The following IGSF10 variants were observed in gnomAD, a reference collection of about 807,000 sequenced individuals.
IGSF10 encodes the protein immunoglobulin superfamily member 10.
IGSF10 carries 126 observed loss-of-function variants against 128.2 expected under a neutral mutation model. That is an observed-to-expected ratio of 0.98 (90% CI 0.85 to 1.14). The LOEUF (loss-of-function observed/expected upper bound fraction) is 1.14, where lower values mean the gene tolerates loss of function less well. IGSF10 is among the 50% of genes most tolerant of loss of function. The pLI is 0.00. For missense variants in IGSF10, 3,295 were observed against 3,149.8 expected (o/e 1.05, Z -1.10); for synonymous variants, 1,185 against 1,146.2 (o/e 1.03, Z -0.68).
the IGSF10 span, among the ~76,000 whole-genome samples, chr3:151,605,733 G>A: frequency 1.3e-5 from 2 of 152,158 alleles, no homozygotes; most frequent in Non-Finnish European, 2.9e-5. Context: ...ACAAAGCTAG[G>A]TTTTTCCATA....
chr3:151,443,951 C>T, intron 6 of IGSF10, 67 bp from the exon 7 acceptor site: 4 of 1,290,686 alleles, frequency 3.1e-6, no homozygotes, highest in South Asian at 3.0e-5. Flanking sequence ...ATAAAGCTAT[C>T]GTTTTTTGGG....
At chr3:151,472,429 A>C in the IGSF10 span, among the ~76,000 whole-genome samples, 1 of 152,292 alleles carries the variant, frequency 6.6e-6, no homozygotes, top group African/African-American at 2.4e-5. Context: ...TTATTGGGCA[A>C]GTTATAAAGC....
the IGSF10 span, among the ~76,000 whole-genome samples, chr3:151,471,596 G>GAT: frequency 6.6e-6 from 1 of 152,172 alleles, no homozygotes; most frequent in Non-Finnish European, 1.5e-5. Flanking sequence ...ACAGATAGCA[G>GAT]ATGCGCTTTT....
At chr3:151,550,389 T>C in the IGSF10 span, among the ~76,000 whole-genome samples, 1 of 152,204 alleles carries the variant, frequency 6.6e-6, no homozygotes, top group East Asian at 1.9e-4. Flanking sequence ...TTTTTAAGTG[T>C]TCTTGTGTCC....
At chr3:151,559,936 G>A in the IGSF10 span, among the ~76,000 whole-genome samples, 4 of 152,084 alleles carry the variant, frequency 2.6e-5, no homozygotes, top group Non-Finnish European at 5.9e-5. Flanking sequence ...TGGGTCATCT[G>A]AGTCACGGAA....
At chr3:151,438,648 A>C in intron 7 of IGSF10, 51 bp from the exon 8 acceptor site, 1 of 1,451,984 alleles carries the variant, frequency 6.9e-7, no homozygotes, top group South Asian at 1.3e-5. Flanking sequence ...CAATGAGGGA[A>C]ACTGTTTTAC....
the IGSF10 span, among the ~76,000 whole-genome samples, chr3:151,570,392 A>C: frequency 5.9e-5 from 9 of 151,926 alleles, no homozygotes; most frequent in African/African-American, 1.5e-4. Context: ...CCCCTCCAGC[A>C]CCTGTTGTTT....
At chr3:151,587,201 C>T in the IGSF10 span, among the ~76,000 whole-genome samples, 1 of 152,144 alleles carries the variant, frequency 6.6e-6, no homozygotes, top group Admixed American at 6.5e-5. Context: ...ATGAGTGAAG[C>T]ATGGTTCCTG....
At chr3:151,449,660 G>T (rs1721418011) in intron 5 of IGSF10, among the ~76,000 whole-genome samples, 1 of 152,108 alleles carries the variant, frequency 6.6e-6, no homozygotes, top group South Asian at 2.1e-4. Context: ...AACATTTTAA[G>T]ATGGCCACAG....
the IGSF10 span, among the ~76,000 whole-genome samples, chr3:151,595,957 G>A: frequency 2.0e-5 from 3 of 152,032 alleles, no homozygotes; most frequent in Non-Finnish European, 4.4e-5. Flanking sequence ...GATTTTAGGT[G>A]CTCTTACCAC....
At chr3:151,572,940 T>C in the IGSF10 span, among the ~76,000 whole-genome samples, 2,483 of 152,322 alleles carry the variant, frequency 0.016, 23 homozygotes, top group South Asian at 0.025. Flanking sequence ...TTTGTTCTCA[T>C]TGGTTTCAAA....
At chr3:151,432,679 G>A, downstream of IGSF10, 2 of 1,104,480 alleles carry the variant, frequency 1.8e-6, no homozygotes, top group Non-Finnish European at 2.7e-6. Flanking sequence ...TGAGAGCAGT[G>A]ACAAGAGGGT....
the IGSF10 span, among the ~76,000 whole-genome samples, chr3:151,588,643 T>C: frequency 1.3e-5 from 2 of 152,234 alleles, no homozygotes; most frequent in African/African-American, 4.8e-5. Flanking sequence ...AAGTAGATCA[T>C]CTTTGCATTT....
the IGSF10 span, among the ~76,000 whole-genome samples, chr3:151,473,153 C>T: frequency 2.0e-5 from 3 of 152,162 alleles, no homozygotes; most frequent in African/African-American, 4.8e-5. Context: ...TTGCCCTAAT[C>T]CTTTCGTTTT....
At chr3:151,488,358 G>A in the IGSF10 span, among the ~76,000 whole-genome samples, 1 of 152,126 alleles carries the variant, frequency 6.6e-6, no homozygotes, top group Non-Finnish European at 1.5e-5. Flanking sequence ...CATACTCATG[G>A]ACAGGAAGAA....
At chr3:151,528,803 T>G in the IGSF10 span, among the ~76,000 whole-genome samples, 2 of 7,892 alleles carry the variant, frequency 2.5e-4, no homozygotes, top group African/African-American at 5.0e-4. Flanking sequence ...TGCAGGAGTT[T>G]TTTTTTTTTT....
intron 5 of IGSF10, 44 bp downstream of exon 5, chr3:151,453,340 T>C (rs1021750315): frequency 2.0e-6 from 3 of 1,486,422 alleles, no homozygotes; most frequent in Admixed American, 2.3e-5. Context: ...TCCAAGCAGA[T>C]TTCCTCCACT....
Position 151,448,568 on chromosome 3 carries a change from T to C in IGSF10, c.1413A>G (p.Lys471=). 2 of 1,614,166 alleles carry C rather than the reference T, an allele frequency of 1.2e-6. No homozygotes were observed. The highest frequency in any genetic ancestry group is 1.7e-6 in the Non-Finnish European group (2 of 1,180,016). ...TGTTATCCCTTGAAATCATAGTCCA[T>C]TTGTGTTTCACTGGCCTCATCTCTG... ...PRAEMRPVKH[K]WTMISRDNNT... Residue 471 remains lysine, a synonymous_variant, in exon 6 of 8, where the codon AAA becomes AAG. Coordinates refer to ENST00000282466, the MANE Select transcript of IGSF10 (RefSeq NM_178822.5).
chr3:151,448,618 C>A lies in IGSF10; in HGVS notation c.1363G>T (p.Asp455Tyr). ...GCTCTTGGTAAAGTGATTTGAGCAT[C>A]ACTGGAGTACTGGATCTGTAATGTA... Reference protein sequence around the residue: ...FSTLQIQYSSDAQITLPRAEM... With the variant: ...FSTLQIQYSSYAQITLPRAEM... The change falls in exon 6 of 8, where the codon GAT (aspartate) becomes TAT (tyrosine). Residue 455 changes from aspartate to tyrosine, a missense_variant. By Grantham distance (160) the Asp-to-Tyr change is radical. Coordinates refer to ENST00000282466, the MANE Select transcript of IGSF10 (RefSeq NM_178822.5). 5.6e-6 allele frequency: 9 copies of A among 1,614,078 alleles called. No individual in the cohort carries two copies. Among genetic ancestry groups the A allele is most frequent in the Non-Finnish European group, 7.6e-6 (9 of 1,180,020 alleles).
Sources: gnomAD v4.1 joint callset for allele counts (sites outside exome capture counted in the v4.1 genomes callset) on GRCh38, gnomAD v4.1.1 for gene constraint, MANE v1.5 for transcripts, NCBI Gene and HGNC (gene_info 2026-07-23, HGNC 2026-07-21) for gene names.